Variants in SYNE1 observed in about 807,000 individuals in gnomAD.
SYNE1 encodes nesprin-1.
A neutral mutation model predicts 1,111.0 loss-of-function variants in SYNE1; 616 were observed. That is an observed-to-expected ratio of 0.55 (90% CI 0.52 to 0.59). The LOEUF is 0.59. Among genes scored for constraint, SYNE1 ranks in the 20% least tolerant of loss-of-function variants. The pLI, the probability that SYNE1 is intolerant of heterozygous loss-of-function variation, is 0.00. For missense variants in SYNE1, 10,006 were observed against 10,417.0 expected, an observed-to-expected ratio of 0.96 and a Z score of 1.72; for synonymous variants, 3,855 against 3,825.8, an observed-to-expected ratio of 1.01 and a Z score of -0.28.
At position 152,391,469 on chromosome 6, in the gene SYNE1, G is replaced by T; in HGVS notation, c.7812C>A (p.Ser2604Arg). 6.2e-7 allele frequency: 1 copy of T among 1,613,610 alleles called. No individual in the cohort carries two copies. Among genetic ancestry groups the T allele is most frequent in the Non-Finnish European group, 8.5e-7 (1 of 1,179,964 alleles). The change falls in exon 52 of 146, where the codon AGC becomes AGA. Residue 2604 changes from serine to arginine, a missense_variant. Around this residue, in one of 7 missense-constraint regions of SYNE1, gnomAD observed 4,955 missense variants for 5,017.2 expected, o/e 0.99. Transcript: ENST00000367255. ...EGRLCSQLLT[S>R]HQNLLRMTKE... ...TGGTCATTCTAAGTAGGTTCTGGTG[G>T]CTTGTGAGGAGCTGGGAACACAGGC...
At chr6:152,251,790 G>A (rs2089369428) in intron 104 of SYNE1, among the ~76,000 whole-genome samples, 1 of 152,078 alleles carries the variant, frequency 6.6e-6, no homozygotes, top group South Asian at 2.1e-4. Flanking sequence ...AAATAAAAAT[G>A]CAAAGAATTG....
intron 3 of SYNE1, among the ~76,000 whole-genome samples, chr6:152,614,795 A>T (rs1348378110): frequency 6.6e-6 from 1 of 152,212 alleles, no homozygotes; most frequent in African/African-American, 2.4e-5. Flanking sequence ...ATGAAATACT[A>T]TGTAGTCATA....
chr6:152,284,614 T>TC (rs1348797805), intron 95 of SYNE1, among the ~76,000 whole-genome samples: 1 of 144,158 alleles, frequency 6.9e-6, no homozygotes, highest in Non-Finnish European at 1.5e-5. Flanking sequence ...CTGGTAATTT[T>TC]TTTTTTTTTT....
At chr6:152,239,158 C>T (rs2084940594) in intron 108 of SYNE1, among the ~76,000 whole-genome samples, 1 of 152,064 alleles carries the variant, frequency 6.6e-6, no homozygotes, top group Admixed American at 6.6e-5. Flanking sequence ...CTCAAGTGAT[C>T]CACCCGCCTC....
intron 14 of SYNE1, among the ~76,000 whole-genome samples, chr6:152,478,052 C>A (rs913507005): frequency 2.6e-5 from 4 of 152,150 alleles, no homozygotes; most frequent in African/African-American, 9.7e-5. Flanking sequence ...TAAGTATGAG[C>A]CACCATGCCT....
chr6:152,431,352 G>A (rs987421748), intron 34 of SYNE1, among the ~76,000 whole-genome samples: 2 of 152,180 alleles, frequency 1.3e-5, no homozygotes, highest in South Asian at 2.1e-4. Flanking sequence ...CTGATGCTGA[G>A]GCTGCTGATC....
intron 26 of SYNE1, 41 bp from the exon 27 acceptor site, chr6:152,450,874 C>CCTG (rs1436213163): frequency 6.2e-7 from 1 of 1,602,592 alleles, no homozygotes; most frequent in Non-Finnish European, 8.5e-7. Context: ...TGTGAGAAGC[C>CCTG]ACACAGTACT....
chr6:152,236,763 T>C, intron 109 of SYNE1, 54 bp downstream of exon 109: 1 of 1,607,958 alleles, frequency 6.2e-7, no homozygotes, highest in Non-Finnish European at 8.5e-7. Context: ...GTTTACATTC[T>C]GTTAAAACTA....
At chr6:152,344,816 TTTAA>T (rs1180034626) in intron 73 of SYNE1, among the ~76,000 whole-genome samples, 2 of 152,200 alleles carry the variant, frequency 1.3e-5, no homozygotes. Flanking sequence ...GATATGTCTA[TTTAA>T]TTAATTAATC....
chr6:152,487,816 C>T (rs2098948867), intron 12 of SYNE1, among the ~76,000 whole-genome samples: 1 of 152,130 alleles, frequency 6.6e-6, no homozygotes, highest in Non-Finnish European at 1.5e-5. Flanking sequence ...TGGCTCACGC[C>T]TGTAATCCCA....
At position 152,249,274 on chromosome 6, in the gene SYNE1, A is replaced by C; in HGVS notation, c.19471-12T>G. On this transcript the variant is annotated splice_polypyrimidine_tract_variant and intron_variant, in intron 104 of 145. Transcript: ENST00000367255. ...ACTTTCAGATCATTCTAAGGAGGAA[A>C]GCAACGGGAAAACTCAAAATGTGTA... is the stretch of plus-strand genomic sequence containing the variant. 6.5e-7 allele frequency: 1 copy of C among 1,527,000 alleles called. No homozygotes were observed. The highest frequency in any genetic ancestry group is 1.1e-5 in the South Asian group (1 of 89,200). 94.6% of individuals were successfully genotyped at this position (1,527,000 alleles called of 1,614,324 possible).
chr6:152,514,992 C>A (rs187721507), intron 6 of SYNE1, among the ~76,000 whole-genome samples: 1 of 152,040 alleles, frequency 6.6e-6, no homozygotes, highest in Admixed American at 6.6e-5. Context: ...GAGGCCAAGG[C>A]GGGCAGATAG....
At position 152,268,058 on chromosome 6, in the gene SYNE1, A is replaced by G. The variant is rs368818393; in HGVS notation, c.18813T>C (p.Ala6271=). Residue 6271 remains alanine, a splice_region_variant and synonymous_variant, in exon 100 of 146, where the codon GCT becomes GCC. Transcript: ENST00000367255. ...AATGGAAGCATTTTGAAACATACCC[A>G]GCATCACCAGAGGTCTCTGCCGCCG... is the stretch of plus-strand genomic sequence containing the variant. ...QHSAAETSGD[A]GEKPDVLSQE... is the part of the protein sequence containing the mutation. The G allele has an allele frequency of 6.8e-6, 11 of 1,612,288 alleles. No individual in the cohort carries two copies. Among genetic ancestry groups the G allele is most frequent in the Middle Eastern group, 1.6e-4 (1 of 6,072 alleles).
At chr6:152,395,087 C>T (rs2097711535) in intron 51 of SYNE1, among the ~76,000 whole-genome samples, 1 of 149,584 alleles carries the variant, frequency 6.7e-6, no homozygotes, top group Non-Finnish European at 1.5e-5. Flanking sequence ...CTGGCAAGCA[C>T]TCTTTTTTTC....
chr6:152,182,708 T>C (rs2068456395), intron 128 of SYNE1, among the ~76,000 whole-genome samples: 1 of 152,218 alleles, frequency 6.6e-6, no homozygotes, highest in East Asian at 1.9e-4. Flanking sequence ...TCTGTGATTC[T>C]ACATCCTTGT....
intron 142 of SYNE1, 176 bp downstream of exon 142, chr6:152,134,928 C>T: frequency 1.4e-6 from 1 of 717,384 alleles, no homozygotes; most frequent in Non-Finnish European, 2.3e-6. Context: ...CTTCTATGCA[C>T]ATGTTTGCTT....
At position 152,278,235 on chromosome 6, in the gene SYNE1, G is replaced by C; in HGVS notation, c.18427C>G (p.Leu6143Val). 3 of 1,614,174 alleles carry C rather than the reference G, an allele frequency of 1.9e-6. No homozygotes were observed. Among genetic ancestry groups the C allele is most frequent in the Non-Finnish European group, 2.5e-6 (3 of 1,180,038 alleles). Reference protein sequence around the residue: ...IEQKVVALSELSVHNENLLLE... With the variant: ...IEQKVVALSEVSVHNENLLLE... ...AGCAGGTTCTCATTGTGGACTGACA[G>C]TTCTGATAAAGCCACCACCTTCTGC... Residue 6143 changes from leucine (L) to valine (V), a missense_variant, in exon 98 of 146, where the codon CTG (leucine) becomes GTG (valine). Transcript: ENST00000367255.
At chr6:152,246,123 C>T (rs753824743) in intron 105 of SYNE1, among the ~76,000 whole-genome samples, 27 of 152,204 alleles carry the variant, frequency 1.8e-4, no homozygotes, top group Non-Finnish European at 2.9e-4. Context: ...AATAAATGGT[C>T]CATAGAGACC....
At chr6:152,551,586 G>C (rs944713111) in intron 3 of SYNE1, among the ~76,000 whole-genome samples, 11 of 152,134 alleles carry the variant, frequency 7.2e-5, no homozygotes, top group African/African-American at 2.7e-4. Flanking sequence ...TTTTGTAAAT[G>C]CAAAGAAAAG....
Sources: allele counts gnomAD v4.1 joint callset (sites outside exome capture counted in the v4.1 genomes callset), GRCh38; gene constraint gnomAD v4.1.1; regional missense constraint gnomAD v4.1.1; transcripts MANE v1.5; gene names NCBI Gene and HGNC (gene_info 2026-07-23, HGNC 2026-07-21).